Variants in RAB3IL1 observed in about 807,000 individuals in gnomAD.
The protein encoded by RAB3IL1 is guanine nucleotide exchange factor for Rab-3A.
RAB3IL1 carries 37 observed loss-of-function variants against 49.2 expected under a neutral mutation model. The ratio of observed to expected loss-of-function variants is 0.75; its 90% CI spans 0.58 to 0.99. The LOEUF (loss-of-function observed/expected upper bound fraction) is 0.99, where lower values mean the gene tolerates loss of function less well. Among genes scored for constraint, RAB3IL1 ranks in the 50% least tolerant of loss-of-function variants. The pLI, the probability that RAB3IL1 is intolerant of heterozygous loss-of-function variation, is 0.00. For missense variants in RAB3IL1, 484 were observed against 513.0 expected, an observed-to-expected ratio of 0.94 and a Z score of 0.55; for synonymous variants, 193 against 213.9, an observed-to-expected ratio of 0.90 and a Z score of 0.85.
chr11:61,920,082 T>C (rs1444099153), upstream of RAB3IL1: 1 of 1,303,336 alleles, frequency 7.7e-7, no homozygotes, highest in Non-Finnish European at 9.8e-7. Flanking sequence ...TCCCCTCAAG[T>C]ACAGGGCACA....
chr11:61,924,686 G>C (rs1053522332), upstream of RAB3IL1, among the ~76,000 whole-genome samples: 5 of 152,164 alleles, frequency 3.3e-5, no homozygotes, highest in African/African-American at 1.2e-4. Flanking sequence ...CATATTGTGG[G>C]GTGCTGATGG....
At chr11:61,904,409 C>CT in intron 7 of RAB3IL1, 137 bp downstream of exon 7, 1 of 895,884 alleles carries the variant, frequency 1.1e-6, no homozygotes, top group South Asian at 1.4e-5. Flanking sequence ...GCCAAACTGC[C>CT]TCCTTGCCCT....
the RAB3IL1 span, among the ~76,000 whole-genome samples, chr11:61,942,588 C>G: frequency 6.6e-6 from 1 of 152,120 alleles, no homozygotes; most frequent in Non-Finnish European, 1.5e-5. Flanking sequence ...ATGACATGAT[C>G]TTATATGTAG....
At chr11:61,942,895 A>G in the RAB3IL1 span, among the ~76,000 whole-genome samples, 1 of 152,192 alleles carries the variant, frequency 6.6e-6, no homozygotes, top group Non-Finnish European at 1.5e-5. Context: ...AAGACATCCT[A>G]TGTTCATGGA....
At position 61,908,272 on chromosome 11, in the gene RAB3IL1, G is replaced by T; in HGVS notation, c.46C>A (p.Leu16Ile). ...TTCCAGGGGACCGGGACAGCTGCAA[G>T]GGGCGGCGGGAGGCCCTGGTCTGGC... ...PQPDQGLPPPLAAVPVPWKST... is the reference protein window; with the variant it reads ...PQPDQGLPPPIAAVPVPWKST... Residue 16 changes from leucine (L) to isoleucine (I), a missense_variant, in exon 2 of 10, where the codon CTT becomes ATT. Physicochemically the swap from Leu to Ile is conservative, Grantham distance 5. Transcript: ENST00000394836. 6.7e-7 allele frequency: 1 copy of T among 1,502,890 alleles called. No homozygotes were observed. The highest frequency in any genetic ancestry group is 8.9e-7 in the Non-Finnish European group (1 of 1,127,866). The allele number at this position is 1,502,890 out of a possible 1,614,324, so 93.1% of individuals were successfully genotyped here. A position where few individuals can be genotyped will look rare whatever the true frequency, so the allele number is the denominator to read the frequency against.
chr11:61,941,553 C>A, the RAB3IL1 span, among the ~76,000 whole-genome samples: 1 of 152,048 alleles, frequency 6.6e-6, no homozygotes, highest in Non-Finnish European at 1.5e-5. Flanking sequence ...GAGATCGAGA[C>A]CATCCTGGCT....
chr11:61,903,712 T>C (rs1022693806), intron 7 of RAB3IL1, among the ~76,000 whole-genome samples: 4 of 152,084 alleles, frequency 2.6e-5, no homozygotes, highest in African/African-American at 7.2e-5. Flanking sequence ...TTAGTAGAGA[T>C]GGGGTTTTCT....
intron 8 of RAB3IL1, chr11:61,899,855 G>A (rs1565356412): frequency 1.2e-5 from 2 of 162,914 alleles, no homozygotes; most frequent in Non-Finnish European, 2.7e-5. Context: ...GGAAAGGAAA[G>A]GGGGTCAGAA....
chr11:61,926,124 A>G, the RAB3IL1 span, among the ~76,000 whole-genome samples: 5 of 151,510 alleles, frequency 3.3e-5, no homozygotes, highest in Admixed American at 3.3e-4. Context: ...AAAAAAAAAA[A>G]AAAGCCAAAA....
chr11:61,899,819 T>G (rs1938812014), intron 8 of RAB3IL1: 1 of 194,818 alleles, frequency 5.1e-6, no homozygotes, highest in Non-Finnish European at 1.1e-5. Flanking sequence ...CAGCCAGGCC[T>G]CAGTCCAGTG....
chr11:61,937,694 A>G, the RAB3IL1 span, among the ~76,000 whole-genome samples: 1 of 152,172 alleles, frequency 6.6e-6, no homozygotes, highest in Non-Finnish European at 1.5e-5. Context: ...AAAATGGGGC[A>G]CTAGAAAATA....
At chr11:61,928,165 A>G in the RAB3IL1 span, among the ~76,000 whole-genome samples, 4 of 151,896 alleles carry the variant, frequency 2.6e-5, no homozygotes, top group Non-Finnish European at 5.9e-5. Context: ...TGCTACAGAA[A>G]AAAAAAAAAA....
the RAB3IL1 span, among the ~76,000 whole-genome samples, chr11:61,944,870 T>C: frequency 6.6e-6 from 1 of 152,186 alleles, no homozygotes; most frequent in Non-Finnish European, 1.5e-5. Context: ...GCTACTTATC[T>C]TTGTATTTTT....
At chr11:61,940,062 T>C in the RAB3IL1 span, among the ~76,000 whole-genome samples, 1 of 152,156 alleles carries the variant, frequency 6.6e-6, no homozygotes, top group Non-Finnish European at 1.5e-5. Context: ...GAGGATTGCC[T>C]TGAGCCCAGG....
intron 1 of RAB3IL1, among the ~76,000 whole-genome samples, chr11:61,916,509 G>T (rs1277845739): frequency 2.6e-4 from 39 of 152,246 alleles, no homozygotes; most frequent in Admixed American, 2.4e-3. Context: ...CTTTCCGGGG[G>T]GCTTCCCTCA....
the RAB3IL1 span, among the ~76,000 whole-genome samples, chr11:61,944,325 G>A: frequency 9.5e-4 from 141 of 148,218 alleles, no homozygotes; most frequent in Admixed American, 1.4e-4. Context: ...CTGCAGTTCT[G>A]AGCTGGTGTG....
At chr11:61,916,412 C>T (rs1461418471) in intron 1 of RAB3IL1, among the ~76,000 whole-genome samples, 2 of 152,144 alleles carry the variant, frequency 1.3e-5, no homozygotes, top group African/African-American at 4.8e-5. Context: ...TCTCCACACC[C>T]CCTGCTGGGG....
At chr11:61,935,419 C>CA in the RAB3IL1 span, among the ~76,000 whole-genome samples, 333 of 97,016 alleles carry the variant, frequency 3.4e-3, no homozygotes, top group African/African-American at 0.012. Flanking sequence ...GACTGTGTCT[C>CA]AAAAAAAAAA....
At position 61,899,326 on chromosome 11, in the gene RAB3IL1, C is replaced by T; in HGVS notation, c.1054G>A (p.Val352Met). ...TYIRYIQQGL[V>M]RQDAEPMFWE... ...AGGGGGCGCTCACCGTCCTGCCGCA[C>T]CAGGCCTTGCTGGATGTAGCGGATG... The change falls in exon 9 of 10, where the codon GTG (valine) becomes ATG (methionine). Residue 352 changes from valine (V) to methionine (M), a missense_variant. Physicochemically the swap from Val to Met is conservative, Grantham distance 21 (BLOSUM62 1). Coordinates refer to ENST00000394836, the MANE Select transcript of RAB3IL1 (RefSeq NM_013401.4). 6.2e-7 allele frequency: 1 copy of T among 1,607,590 alleles called. No individual in the cohort carries two copies.
Sources: allele counts gnomAD v4.1 joint callset (sites outside exome capture counted in the v4.1 genomes callset), GRCh38; gene constraint gnomAD v4.1.1; transcripts MANE v1.5; gene names NCBI Gene and HGNC (gene_info 2026-07-23, HGNC 2026-07-21).